SLC6A7: variants seen among roughly 807,000 people sequenced by gnomAD.
The protein encoded by SLC6A7 is solute carrier family 6 member 7.
SLC6A7 carries 58 observed loss-of-function variants against 73.1 expected under a neutral mutation model. That is an observed-to-expected ratio of 0.79 (90% CI 0.64 to 0.99). SLC6A7 has a LOEUF of 0.99. SLC6A7 is among the 50% of genes least tolerant of loss of function. SLC6A7 has a pLI of 0.00. For missense variants in SLC6A7, 783 were observed against 831.4 expected (o/e 0.94, Z 0.72); for synonymous variants, 338 against 338.7 (o/e 1.00, Z 0.02).
chr5:150,196,493 G>A (rs989021291), intron 2 of SLC6A7, among the ~76,000 whole-genome samples: 3 of 152,234 alleles, frequency 2.0e-5, no homozygotes, highest in African/African-American at 4.8e-5. Context: ...GTTTCTCAGC[G>A]TCTGCGCTGA....
At position 150,191,532 on chromosome 5, in the gene SLC6A7, G is replaced by A. The variant is rs371866336; in HGVS notation, c.33+1172G>A. 9.2e-4 allele frequency among the ~76,000 whole-genome samples: 140 copies of A among 151,846 alleles called. 3 individuals are homozygous for A. In the South Asian group the frequency reaches 0.024, roughly 26 times the overall value. On this transcript the variant is annotated intron_variant, in intron 1 of 13. Coordinates refer to ENST00000230671, the MANE Select transcript of SLC6A7 (RefSeq NM_014228.5). ...TGCAAGCTCTGCCTCCCGGGTTCAC[G>A]CCATTCTCCTGCCTCAGCCTCCCGA...
Position 150,190,193 on chromosome 5 carries a change from G to A in SLC6A7, c.-135G>A, listed in dbSNP as rs1752705046. ...CCACGCCCGCAGCCGCCAGACGGCA[G>A]CGCCTGCGTCCGTGCCCGCCCCAGC... is the stretch of plus-strand genomic sequence containing the variant. On this transcript the variant is annotated 5_prime_UTR_variant, in exon 1 of 14. Transcript: ENST00000230671. 9.1e-6 allele frequency: 6 copies of A among 656,276 alleles called. No homozygotes were observed. The highest frequency in any genetic ancestry group is 2.3e-5 in the South Asian group (1 of 43,262). The allele number at this position is 656,276 out of a possible 1,614,324, so 40.7% of individuals were successfully genotyped here. A position where few individuals can be genotyped will look rare whatever the true frequency, so the allele number is the denominator to read the frequency against.
chr5:150,209,343 C>A, intron 13 of SLC6A7, 63 bp from the exon 14 acceptor site: 2 of 1,379,804 alleles, frequency 1.4e-6, no homozygotes, highest in South Asian at 2.3e-5. Context: ...TGTCTGGCCA[C>A]AGTGAACCCT....
chr5:150,203,591 G>A, intron 8 of SLC6A7, 76 bp from the exon 9 acceptor site: 1 of 752,180 alleles, frequency 1.3e-6, no homozygotes, highest in Non-Finnish European at 2.4e-6. Flanking sequence ...AGTGTAAGTG[G>A]CCGTGTGTGT....
chr5:150,190,419 C>T, intron 1 of SLC6A7, 59 bp downstream of exon 1: 1 of 1,248,878 alleles, frequency 8.0e-7, no homozygotes. Flanking sequence ...GAGAGACCCG[C>T]CCCCAACGAG....
At chr5:150,197,338 G>T in intron 4 of SLC6A7, 62 bp downstream of exon 4, 1 of 1,116,574 alleles carries the variant, frequency 9.0e-7, no homozygotes, top group East Asian at 2.4e-5. Context: ...GGTGGCCAGA[G>T]GGCATCCCCC....
intron 1 of SLC6A7, among the ~76,000 whole-genome samples, chr5:150,193,561 C>T (rs554532852): frequency 6.6e-6 from 1 of 152,164 alleles, no homozygotes; most frequent in South Asian, 2.1e-4. Flanking sequence ...TGAAAAGTAC[C>T]AGTCCTAACC....
intron 2 of SLC6A7, among the ~76,000 whole-genome samples, chr5:150,196,492 C>T (rs956315097): frequency 3.3e-5 from 5 of 152,250 alleles, no homozygotes; most frequent in African/African-American, 1.2e-4. Flanking sequence ...CGTTTCTCAG[C>T]GTCTGCGCTG....
At chr5:150,205,652 G>T in intron 13 of SLC6A7, 29 bp downstream of exon 13, 1 of 1,585,208 alleles carries the variant, frequency 6.3e-7, no homozygotes. Flanking sequence ...TCCACTCTCA[G>T]CCTTCCTGAC....
chr5:150,192,763 G>A (rs1454546761), intron 1 of SLC6A7, among the ~76,000 whole-genome samples: 2 of 152,192 alleles, frequency 1.3e-5, no homozygotes, highest in African/African-American at 2.4e-5. Flanking sequence ...CCATGAGCAT[G>A]GAAAGGGCAG....
intron 1 of SLC6A7, among the ~76,000 whole-genome samples, chr5:150,192,704 C>A (rs1427078301): frequency 5.9e-5 from 9 of 152,190 alleles, no homozygotes; most frequent in African/African-American, 1.9e-4. Context: ...CTGGCAGCAT[C>A]CTGCTCTTGG....
Position 150,195,048 on chromosome 5 carries a change from A to G in SLC6A7, c.217+137A>G, listed in dbSNP as rs1580853582. 1.5e-5 allele frequency: 10 copies of G among 682,092 alleles called. No individual in the cohort carries two copies. The East Asian group carries it at 2.6e-4, about 18-fold the overall frequency. The allele number at this position is 682,092 out of a possible 1,614,324, so 42.3% of individuals were successfully genotyped here. On this transcript the variant is annotated intron_variant, in intron 2 of 13. Transcript: ENST00000230671. ...AACTCATTGAAAGTGGTTTATAGTA[A>G]CTTGGGGCTGGGAGGAAGGAGTTTA...
intron 4 of SLC6A7, among the ~76,000 whole-genome samples, chr5:150,198,346 G>A (rs1753186742): frequency 6.6e-6 from 1 of 152,222 alleles, no homozygotes; most frequent in African/African-American, 2.4e-5. Flanking sequence ...ATTTCTCCCA[G>A]ATAGGCTCCG....
Position 150,203,986 on chromosome 5 carries a change from CAG to C in SLC6A7, c.1281_1282del (p.Gly428AlafsTer16). ...CTGCGGCCCAAGAAGGCGGTGTTCT[CAG>C]GGCTCATCTGCGTGGCCATGTACCT... On this transcript the variant is annotated frameshift_variant, in exon 10 of 14. Transcript: ENST00000230671. LOFTEE classifies it high-confidence loss of function. The C allele has an allele frequency of 6.2e-7, 1 of 1,613,846 alleles. No individual in the cohort carries two copies. Among genetic ancestry groups the C allele is most frequent in the Non-Finnish European group, 8.5e-7 (1 of 1,179,892 alleles).
chr5:150,207,869 C>T (rs1252080835), intron 13 of SLC6A7, among the ~76,000 whole-genome samples: 1 of 151,948 alleles, frequency 6.6e-6, no homozygotes, highest in Non-Finnish European at 1.5e-5. Flanking sequence ...GGGGTTCTCA[C>T]AGGGGGTGAT....
rs1446275896 is a variant in SLC6A7, at chr5:150,210,853, G to A, written c.*1238G>A. On this transcript the variant is annotated 3_prime_UTR_variant, in exon 14 of 14. Transcript: ENST00000230671. Reference sequence around the variant, plus strand: ...TGTGGGGGTAGACGCAGAGGGCAGAGGGTAGCCCTTGGTACTGTGGGTCCC... The same window carrying A: ...TGTGGGGGTAGACGCAGAGGGCAGAAGGTAGCCCTTGGTACTGTGGGTCCC... 2 of 152,552 alleles carry A rather than the reference G, an allele frequency of 1.3e-5. No individual in the cohort carries two copies. The highest frequency in any genetic ancestry group is 2.4e-5 in the African/African-American group (1 of 41,442). The allele number at this position is 152,552 out of a possible 1,614,324, so 9.4% of individuals were successfully genotyped here.
intron 5 of SLC6A7, among the ~76,000 whole-genome samples, chr5:150,199,969 G>A (rs1156383131): frequency 6.6e-6 from 1 of 152,176 alleles, no homozygotes; most frequent in Non-Finnish European, 1.5e-5. Context: ...CATTGGATGA[G>A]CAGGGCTGTG....
At chr5:150,204,424 C>A in intron 10 of SLC6A7, 108 bp from the exon 11 acceptor site, 1 of 867,996 alleles carries the variant, frequency 1.2e-6, no homozygotes, top group East Asian at 2.4e-5. Flanking sequence ...ACCCTGTCAT[C>A]TTGTGCTGTC....
chr5:150,195,271 C>G (rs1752965668), intron 2 of SLC6A7: 1 of 193,536 alleles, frequency 5.2e-6, no homozygotes, highest in Non-Finnish European at 1.1e-5. Context: ...TCCCCACCCC[C>G]TCCTTCCTCC....
Sources: gnomAD v4.1 joint callset for allele counts (sites outside exome capture counted in the v4.1 genomes callset) on GRCh38, gnomAD v4.1.1 for gene constraint, MANE v1.5 for transcripts, NCBI Gene and HGNC (gene_info 2026-07-23, HGNC 2026-07-21) for gene names.